TEK: variants seen among roughly 807,000 people sequenced by gnomAD.
TEK encodes the protein TEK receptor tyrosine kinase, also known as angiopoietin-1 receptor.
In TEK, 43 loss-of-function variants were observed where a neutral mutation model predicts 131.8. That is an observed-to-expected ratio of 0.33 (90% CI 0.26 to 0.42). The LOEUF (loss-of-function observed/expected upper bound fraction) is 0.42. Ranked by LOEUF, TEK falls within the 10% of genes least tolerant of loss-of-function variation. The pLI, the probability that TEK is intolerant of heterozygous loss-of-function variation, is 1.00. For missense variants in TEK, 1,162 were observed against 1,384.4 expected (o/e 0.84, Z 2.55); for synonymous variants, 580 against 491.6 (o/e 1.18, Z -2.38).
chr9:27,175,449 C>T lies in TEK; in HGVS notation c.901+2087C>T, dbSNP rs573546260. 3.3e-3 allele frequency among the ~76,000 whole-genome samples: 497 copies of T among 151,996 alleles called. 1 individual carries two copies. The highest frequency in any genetic ancestry group is 0.011 in the African/African-American group (476 of 41,428). ...TGTGAATAGTGCCACAATAAACATA[C>T]GTGTGCATGTGTCTTTATAGCATCA... On this transcript the variant is annotated intron_variant, in intron 6 of 22. Coordinates refer to ENST00000380036, the MANE Select transcript of TEK (RefSeq NM_000459.5).
chr9:27,204,797 A>G, intron 13 of TEK, 114 bp from the exon 14 acceptor site: 1 of 1,394,112 alleles, frequency 7.2e-7, no homozygotes, highest in South Asian at 1.2e-5. Flanking sequence ...GTTAGGTGGC[A>G]GGGTTAAGGC....
intron 1 of TEK, among the ~76,000 whole-genome samples, chr9:27,150,026 A>C (rs12351513): frequency 6.6e-6 from 1 of 151,970 alleles, no homozygotes; most frequent in African/African-American, 2.4e-5. Flanking sequence ...GATATTCTCA[A>C]TTTCTCTGTC....
chr9:27,155,190 C>G (rs551443827), intron 1 of TEK, among the ~76,000 whole-genome samples: 2 of 152,278 alleles, frequency 1.3e-5, no homozygotes, highest in South Asian at 4.1e-4. Context: ...CACTCAGAGT[C>G]AGGCCTGGGT....
At chr9:27,134,771 A>G (rs754527894) in intron 1 of TEK, among the ~76,000 whole-genome samples, 1 of 152,200 alleles carries the variant, frequency 6.6e-6, no homozygotes, top group Admixed American at 6.5e-5. Flanking sequence ...ACTAGAAGTC[A>G]AGTCCATTTA....
chr9:27,203,174 C>T, intron 13 of TEK, 55 bp downstream of exon 13: 1 of 1,593,808 alleles, frequency 6.3e-7, no homozygotes, highest in South Asian at 1.1e-5. Context: ...CTATAGGCAG[C>T]TGGTTTATCA....
chr9:27,137,183 G>T (rs1055169697), intron 1 of TEK, among the ~76,000 whole-genome samples: 17 of 152,148 alleles, frequency 1.1e-4, no homozygotes, highest in African/African-American at 4.1e-4. Context: ...CTCCCAAAGT[G>T]CTGGGATTAC....
intron 21 of TEK, among the ~76,000 whole-genome samples, chr9:27,221,205 C>A (rs1311958128): frequency 6.6e-6 from 1 of 152,234 alleles, no homozygotes; most frequent in Non-Finnish European, 1.5e-5. Flanking sequence ...CCACTATAGC[C>A]AGACTGCCTC....
At chr9:27,218,845 G>A (rs543655329) in intron 20 of TEK, 28 bp downstream of exon 20, 1 of 1,611,160 alleles carries the variant, frequency 6.2e-7, no homozygotes, top group South Asian at 1.1e-5. Context: ...TCTACCAGGT[G>A]AGACTCTAGG....
intron 2 of TEK, among the ~76,000 whole-genome samples, chr9:27,168,138 A>G (rs1823806077): frequency 6.6e-6 from 1 of 152,326 alleles, no homozygotes; most frequent in South Asian, 2.1e-4. Context: ...AAATGGAAAA[A>G]TAAAATCTGA....
At chr9:27,138,112 C>T (rs867353328) in intron 1 of TEK, among the ~76,000 whole-genome samples, 12 of 152,182 alleles carry the variant, frequency 7.9e-5, no homozygotes, top group South Asian at 2.1e-4. Flanking sequence ...GGAGTGAAGC[C>T]GCAGACCCTC....
intron 1 of TEK, among the ~76,000 whole-genome samples, chr9:27,137,896 C>T (rs150123539): frequency 3.0e-4 from 46 of 152,148 alleles, no homozygotes; most frequent in African/African-American, 9.9e-4. Context: ...TGGACCCTTG[C>T]GGTGAGTGTT....
chr9:27,211,391 C>CT (rs34605893), intron 16 of TEK, among the ~76,000 whole-genome samples: 47,205 of 131,110 alleles, frequency 0.36, 8,692 homozygotes, highest in East Asian at 0.61. Flanking sequence ...TATTACTTTT[C>CT]TTTTTTGCTA....
intron 1 of TEK, among the ~76,000 whole-genome samples, chr9:27,120,854 G>A (rs114302576): frequency 6.6e-6 from 1 of 152,196 alleles, no homozygotes; most frequent in Non-Finnish European, 1.5e-5. Flanking sequence ...TGGTGCCTAA[G>A]AGGTTTCAGA....
At chr9:27,131,574 G>A (rs569254758) in intron 1 of TEK, among the ~76,000 whole-genome samples, 15 of 150,992 alleles carry the variant, frequency 9.9e-5, no homozygotes, top group Admixed American at 3.3e-4. Flanking sequence ...TGTAATCCCC[G>A]CATGTTGGGA....
intron 18 of TEK, among the ~76,000 whole-genome samples, chr9:27,215,732 TAAGTC>T (rs1457199794): frequency 6.6e-6 from 1 of 152,066 alleles, no homozygotes; most frequent in East Asian, 1.9e-4. Context: ...TGGGGTAACA[TAAGTC>T]AGACACAGTC....
rs769044139 is a variant in TEK, at chr9:27,157,947, A to G, written c.169A>G (p.Ile57Val). The G allele has an allele frequency of 1.9e-6, 3 of 1,613,900 alleles. No individual in the cohort carries two copies. Among genetic ancestry groups the G allele is most frequent in the Non-Finnish European group, 2.5e-6 (3 of 1,180,000 alleles). ...GTGGCGCCCCCATGAGCCCATCACC[A>G]TAGGAAGGGACTTTGAAGCCTTAAT... ...SGWRPHEPITIGRDFEALMNQ... is the reference protein window; with the variant it reads ...SGWRPHEPITVGRDFEALMNQ... Residue 57 changes from isoleucine (I) to valine (V), a missense_variant, in exon 2 of 23, where the codon ATA (isoleucine) becomes GTA (valine). By Grantham distance (29) the Ile-to-Val change is conservative. This residue lies in a region of TEK where 436 missense variants were observed against 539.1 expected (regional missense o/e 0.81). Transcript: ENST00000380036.
intron 14 of TEK, among the ~76,000 whole-genome samples, chr9:27,206,259 A>G (rs879856309): frequency 2.0e-5 from 3 of 152,192 alleles, no homozygotes; most frequent in Non-Finnish European, 2.9e-5. Flanking sequence ...TCATTTCACA[A>G]CACTGTAGGG....
chr9:27,198,868 G>A (rs1366492906), intron 12 of TEK, among the ~76,000 whole-genome samples: 2 of 152,154 alleles, frequency 1.3e-5, no homozygotes. Context: ...GTGCCATTAT[G>A]GCTTCTGCAG....
At chr9:27,203,212 G>A in intron 13 of TEK, 93 bp downstream of exon 13, 7 of 1,429,694 alleles carry the variant, frequency 4.9e-6, no homozygotes, top group Non-Finnish European at 3.9e-6. Context: ...GAAAGCCTAT[G>A]AAAAGTCGGT....
Sources: allele counts gnomAD v4.1 joint callset (sites outside exome capture counted in the v4.1 genomes callset), GRCh38; gene constraint gnomAD v4.1.1; regional missense constraint gnomAD v4.1.1; transcripts MANE v1.5; gene names NCBI Gene and HGNC (gene_info 2026-07-23, HGNC 2026-07-21).